The following GALNTL6 variants were observed in gnomAD, a reference collection of about 807,000 sequenced individuals.
GALNTL6 encodes the protein polypeptide N-acetylgalactosaminyltransferase-like 6.
In GALNTL6, 46 loss-of-function variants were observed where a neutral mutation model predicts 73.7. That is an observed-to-expected ratio of 0.62 (90% CI 0.49 to 0.80). GALNTL6 has a LOEUF of 0.80. Among genes scored for constraint, GALNTL6 ranks in the 30% least tolerant of loss-of-function variants. The pLI is 0.00. For synonymous variants in GALNTL6, 259 were observed against 263.7 expected, an observed-to-expected ratio of 0.98 and a Z score of 0.17; for missense variants, 604 against 755.0, an observed-to-expected ratio of 0.80 and a Z score of 2.34.
chr4:172,027,130 C>A (rs1390653770), intron 2 of GALNTL6, among the ~76,000 whole-genome samples: 1 of 152,066 alleles, frequency 6.6e-6, no homozygotes, highest in African/African-American at 2.4e-5. Flanking sequence ...GAGCTTCAAG[C>A]AATCCTCCCA....
intron 2 of GALNTL6, among the ~76,000 whole-genome samples, chr4:171,890,624 A>G (rs1736734145): frequency 6.6e-6 from 1 of 152,176 alleles, no homozygotes; most frequent in African/African-American, 2.4e-5. Context: ...ATTTTATTGC[A>G]ATAAGCATTA....
intron 2 of GALNTL6, among the ~76,000 whole-genome samples, chr4:171,845,465 G>A (rs1735344281): frequency 6.6e-6 from 1 of 152,098 alleles, no homozygotes; most frequent in Admixed American, 6.6e-5. Flanking sequence ...TATTACTGTG[G>A]GAATATAGGA....
intron 5 of GALNTL6, among the ~76,000 whole-genome samples, chr4:172,641,983 A>G (rs1346941568): frequency 2.0e-5 from 3 of 152,120 alleles, no homozygotes; most frequent in African/African-American, 7.2e-5. Flanking sequence ...AAGAGTGCTC[A>G]ACAACACTAA....
In GALNTL6 at chr4:172,716,813, G is replaced by A. The variant is rs141730503; in HGVS notation, c.554-92548G>A. ...CTACTGGTTTAGTAAGTCTAAGTCC[G>A]CCTAAGTCTCACTATGGAAAAGACA... On this transcript the variant is annotated intron_variant, in intron 5 of 12. Transcript: ENST00000506823. Among the ~76,000 whole-genome samples the A allele has an allele frequency of 2.2e-3, 339 of 152,248 alleles. 1 individual carries two copies. Among genetic ancestry groups the A allele is most frequent in the African/African-American group, 7.7e-3 (321 of 41,548 alleles).
At chr4:171,824,346 G>T (rs764572195) in intron 2 of GALNTL6, among the ~76,000 whole-genome samples, 8 of 151,856 alleles carry the variant, frequency 5.3e-5, no homozygotes, top group Non-Finnish European at 1.0e-4. Context: ...AGACTCCCTG[G>T]TGTTAGTTCC....
At chr4:172,165,567 T>G (rs1015792611) in intron 2 of GALNTL6, among the ~76,000 whole-genome samples, 1 of 152,136 alleles carries the variant, frequency 6.6e-6, no homozygotes, top group Non-Finnish European at 1.5e-5. Flanking sequence ...TTTACAAACA[T>G]AATTTAAGTA....
At chr4:172,869,874 AC>A (rs1744835595) in intron 7 of GALNTL6, among the ~76,000 whole-genome samples, 1 of 152,012 alleles carries the variant, frequency 6.6e-6, no homozygotes, top group African/African-American at 2.4e-5. Flanking sequence ...TGTGTTAGTC[AC>A]CCCTTCTTAG....
chr4:172,527,568 A>G (rs1213891376), intron 5 of GALNTL6, among the ~76,000 whole-genome samples: 1 of 152,148 alleles, frequency 6.6e-6, no homozygotes, highest in Non-Finnish European at 1.5e-5. Context: ...TGGATTGTCT[A>G]TGCAGTGTCT....
chr4:172,955,903 T>C lies in GALNTL6; in HGVS notation c.1371+3645T>C, dbSNP rs554608575. ...TCTGAGCCAGGATGAGCCAGGAAAA[T>C]GAATTTCACAAGGTAATGTCATCAG... On this transcript the variant is annotated intron_variant, in intron 10 of 12. Transcript: ENST00000506823. Among the ~76,000 whole-genome samples, 5 of 152,088 alleles carry C rather than the reference T, an allele frequency of 3.3e-5. No individual in the cohort carries two copies. The East Asian group carries it at 9.7e-4, about 29-fold the overall frequency.
chr4:172,145,330 T>C (rs142908842), intron 2 of GALNTL6, among the ~76,000 whole-genome samples: 8 of 151,940 alleles, frequency 5.3e-5, no homozygotes, highest in South Asian at 2.1e-4. Context: ...TTAGTAGAGA[T>C]GTGGTTTCAC....
intron 4 of GALNTL6, among the ~76,000 whole-genome samples, chr4:172,321,595 A>T (rs1393595451): frequency 6.6e-6 from 1 of 152,226 alleles, no homozygotes; most frequent in Non-Finnish European, 1.5e-5. Flanking sequence ...CATTAAATAG[A>T]GGACATCAAT....
intron 7 of GALNTL6, among the ~76,000 whole-genome samples, chr4:172,859,990 A>G (rs545141998): frequency 5.3e-5 from 8 of 152,330 alleles, no homozygotes; most frequent in African/African-American, 1.9e-4. Context: ...TTCATTATAC[A>G]TTACAATGTC....
intron 10 of GALNTL6, among the ~76,000 whole-genome samples, chr4:172,965,313 G>A (rs933450815): frequency 1.3e-5 from 2 of 152,198 alleles, no homozygotes; most frequent in Non-Finnish European, 2.9e-5. Context: ...TTGTCCAGGC[G>A]CAGTGGCTCA....
intron 10 of GALNTL6, among the ~76,000 whole-genome samples, chr4:173,005,166 A>G (rs1287232060): frequency 6.6e-6 from 1 of 152,184 alleles, no homozygotes; most frequent in Non-Finnish European, 1.5e-5. Context: ...ACTCTCTGCC[A>G]GACCTTTTCT....
intron 7 of GALNTL6, among the ~76,000 whole-genome samples, chr4:172,850,577 T>C (rs1380327726): frequency 6.6e-6 from 1 of 152,156 alleles, no homozygotes; most frequent in African/African-American, 2.4e-5. Context: ...AGACTCCAGA[T>C]GGGCGTCCTG....
intron 5 of GALNTL6, among the ~76,000 whole-genome samples, chr4:172,561,556 C>T (rs1053590456): frequency 1.3e-5 from 2 of 152,214 alleles, no homozygotes; most frequent in Non-Finnish European, 2.9e-5. Flanking sequence ...AATAATACCA[C>T]CCCAAGTCTT....
intron 5 of GALNTL6, among the ~76,000 whole-genome samples, chr4:172,643,871 A>G (rs1560853435): frequency 6.6e-6 from 1 of 151,812 alleles, no homozygotes; most frequent in Admixed American, 6.6e-5. Context: ...TGCTTTTTGT[A>G]TATGTTATTT....
chr4:173,035,852 G>A (rs551145647), intron 12 of GALNTL6, among the ~76,000 whole-genome samples: 6 of 152,248 alleles, frequency 3.9e-5, no homozygotes, highest in South Asian at 4.1e-4. Flanking sequence ...ATTTGGTGTC[G>A]AATAGCTGGT....
chr4:172,664,427 T>C (rs1245514549), intron 5 of GALNTL6, among the ~76,000 whole-genome samples: 1 of 152,228 alleles, frequency 6.6e-6, no homozygotes, highest in Admixed American at 6.5e-5. Context: ...CTACATTTCT[T>C]TTCCAAACAT....
Sources: gnomAD v4.1 joint callset for allele counts (sites outside exome capture counted in the v4.1 genomes callset) on GRCh38, gnomAD v4.1.1 for gene constraint, MANE v1.5 for transcripts, NCBI Gene and HGNC (gene_info 2026-07-23, HGNC 2026-07-21) for gene names.